Variants in CLSTN2 observed in about 807,000 individuals in gnomAD.
CLSTN2 encodes the protein calsyntenin-2.
In CLSTN2, 48 loss-of-function variants were observed where a neutral mutation model predicts 101.2. The observed-to-expected ratio is 0.47, with a 90% CI of 0.38 to 0.60. The LOEUF (loss-of-function observed/expected upper bound fraction) is 0.60, where lower values mean the gene tolerates loss of function less well. Ranked by LOEUF, CLSTN2 falls within the 20% of genes least tolerant of loss-of-function variation. The probability of loss-of-function intolerance (pLI) is 0.00; values close to 1 mark genes in which losing one functional copy is unlikely to be tolerated. For synonymous variants in CLSTN2, 481 were observed against 463.6 expected (o/e 1.04, Z -0.48); for missense variants, 1,160 against 1,238.2 (o/e 0.94, Z 0.95).
chr3:140,207,837 T>C (rs542522021), intron 2 of CLSTN2, among the ~76,000 whole-genome samples: 7 of 152,344 alleles, frequency 4.6e-5, no homozygotes, highest in African/African-American at 1.7e-4. Flanking sequence ...TGCTTCTCTT[T>C]GCTGTTTTGC....
intron 2 of CLSTN2, among the ~76,000 whole-genome samples, chr3:140,272,704 T>A (rs2086754410): frequency 6.6e-6 from 1 of 151,974 alleles, no homozygotes; most frequent in Admixed American, 6.6e-5. Flanking sequence ...GTGAGCCGAG[T>A]TTGTGCCACT....
intron 2 of CLSTN2, among the ~76,000 whole-genome samples, chr3:140,302,822 G>T (rs9855259): frequency 0.34 from 51,292 of 152,040 alleles, 10,435 homozygotes; most frequent in Non-Finnish European, 0.47. Context: ...GAGAAAGGTG[G>T]CTTGTAGGAA....
At position 140,140,988 on chromosome 3, in the gene CLSTN2, G is replaced by A. The variant is rs111490042; in HGVS notation, c.110-34963G>A. ...GTTATCTACCACAGCAATAGCAATA[G>A]GGACTGATCAAGGGCCCAAAGGCTC... On this transcript the variant is annotated intron_variant, in intron 1 of 16. Coordinates refer to ENST00000458420, the MANE Select transcript of CLSTN2 (RefSeq NM_022131.3). Among the ~76,000 whole-genome samples the A allele has an allele frequency of 2.5e-3, 379 of 152,338 alleles. 2 individuals are homozygous for A. The highest frequency in any genetic ancestry group is 0.01 in the Middle Eastern group (3 of 294).
At chr3:140,222,373 AG>A (rs1182125125) in intron 2 of CLSTN2, among the ~76,000 whole-genome samples, 55 of 152,314 alleles carry the variant, frequency 3.6e-4, no homozygotes, top group African/African-American at 1.3e-3. Flanking sequence ...TCGTACAAAA[AG>A]AAAAACTTAG....
rs1274165246 is a variant in CLSTN2, at chr3:140,459,675, C to T, written c.1128C>T (p.Thr376=). 10 of 1,614,004 alleles carry T rather than the reference C, an allele frequency of 6.2e-6. No individual in the cohort carries two copies. Among genetic ancestry groups the T allele is most frequent in the South Asian group, 1.1e-5 (1 of 91,078 alleles). ...VPDGIVPKNL[T]DQFTITMWMK... Reference sequence around the variant, plus strand: ...ATGGGATTGTGCCCAAGAACCTGACCGATCAGTTCACCATCACCATGTGGA... The same window carrying T: ...ATGGGATTGTGCCCAAGAACCTGACTGATCAGTTCACCATCACCATGTGGA... Residue 376 remains threonine (T), a synonymous_variant, in exon 7 of 17, where the codon ACC becomes ACT. Coordinates refer to ENST00000458420, the MANE Select transcript of CLSTN2 (RefSeq NM_022131.3).
At chr3:140,539,905 G>A (rs1174003173) in intron 9 of CLSTN2, among the ~76,000 whole-genome samples, 2 of 152,120 alleles carry the variant, frequency 1.3e-5, no homozygotes, top group South Asian at 4.2e-4. Context: ...AGAGGATTCC[G>A]GATTTACCCA....
At chr3:139,940,270 T>A (rs1056627082) in intron 1 of CLSTN2, among the ~76,000 whole-genome samples, 1 of 152,200 alleles carries the variant, frequency 6.6e-6, no homozygotes, top group Non-Finnish European at 1.5e-5. Context: ...TTCCTTCTCC[T>A]CTATAAAGTA....
chr3:140,049,423 G>A (rs7619815), intron 1 of CLSTN2, among the ~76,000 whole-genome samples: 2,415 of 152,236 alleles, frequency 0.016, 61 homozygotes, highest in African/African-American at 0.053. Context: ...TATTATTTCC[G>A]GAATGAGGGA....
At chr3:139,967,583 G>A (rs1935622395) in intron 1 of CLSTN2, among the ~76,000 whole-genome samples, 1 of 152,134 alleles carries the variant, frequency 6.6e-6, no homozygotes, top group South Asian at 2.1e-4. Context: ...ATACATCTCT[G>A]GAAGCCTCAC....
intron 12 of CLSTN2, among the ~76,000 whole-genome samples, chr3:140,561,070 A>G (rs1042033840): frequency 6.6e-6 from 1 of 151,892 alleles, no homozygotes; most frequent in Non-Finnish European, 1.5e-5. Context: ...ATTTAAAATA[A>G]TCCATCTTTA....
intron 1 of CLSTN2, among the ~76,000 whole-genome samples, chr3:140,162,296 C>G (rs1462124249): frequency 6.6e-6 from 1 of 152,188 alleles, no homozygotes. Context: ...ATAAAACACA[C>G]AGCATCTTTC....
At chr3:140,178,937 C>A (rs1436059195) in intron 2 of CLSTN2, among the ~76,000 whole-genome samples, 1 of 152,102 alleles carries the variant, frequency 6.6e-6, no homozygotes, top group Non-Finnish European at 1.5e-5. Context: ...TTGTGGAAAA[C>A]AATTTCATCC....
At position 140,570,312 on chromosome 3, in the gene CLSTN2, A is replaced by G. The variant is rs1464491549; in HGVS notation, c.*4059A>G. The G allele has an allele frequency of 6.6e-6, 1 of 152,232 alleles. No individual in the cohort carries two copies. The highest frequency in any genetic ancestry group is 1.5e-5 in the Non-Finnish European group (1 of 68,052). 9.4% of individuals were successfully genotyped at this position (152,232 alleles called of 1,614,324 possible). On this transcript the variant is annotated 3_prime_UTR_variant, in exon 17 of 17. Transcript: ENST00000458420. ...ATGTATAGTTGCAACTGACCTGAAC[A>G]TATTCTTTTTTTCATTATTATTCCT...
At chr3:140,360,169 G>C (rs541767738) in intron 2 of CLSTN2, among the ~76,000 whole-genome samples, 1 of 151,994 alleles carries the variant, frequency 6.6e-6, no homozygotes, top group South Asian at 2.1e-4. Context: ...CCCTGTAATC[G>C]TTCCTTTTTT....
At chr3:140,496,394 A>G (rs1934466024) in intron 8 of CLSTN2, among the ~76,000 whole-genome samples, 4 of 152,158 alleles carry the variant, frequency 2.6e-5, no homozygotes, top group Admixed American at 2.6e-4. Context: ...TAGATATAGG[A>G]TCATGTCATC....
intron 2 of CLSTN2, among the ~76,000 whole-genome samples, chr3:140,377,042 A>AGAGAGAGAGAGATG (rs143529942): frequency 6.7e-6 from 1 of 149,782 alleles, no homozygotes; most frequent in Non-Finnish European, 1.5e-5. Flanking sequence ...GAGAGAGAGG[A>AGAGAGAGAGAGATG]TGTGTGTGTG....
Position 140,566,477 on chromosome 3 carries a change from C to T in CLSTN2, c.*224C>T. 1.7e-6 allele frequency: 1 copy of T among 577,994 alleles called. No homozygotes were observed. The highest frequency in any genetic ancestry group is 2.2e-5 in the South Asian group (1 of 45,942). The allele number at this position is 577,994 out of a possible 1,614,324, so 35.8% of individuals were successfully genotyped here. A position where few individuals can be genotyped will look rare whatever the true frequency, so the allele number is the denominator to read the frequency against. ...CCATCAGTGAGGACTTCAGGGTAGACTTTGTCCTGTAGCCTCCACTTCTGC... is the reference window on the plus strand; with the variant it reads ...CCATCAGTGAGGACTTCAGGGTAGATTTTGTCCTGTAGCCTCCACTTCTGC... On this transcript the variant is annotated 3_prime_UTR_variant, in exon 17 of 17. Transcript: ENST00000458420.
intron 5 of CLSTN2, among the ~76,000 whole-genome samples, chr3:140,448,228 TGTGTGTGTGTGTGTGC>T (rs1933142102): frequency 1.2e-5 from 1 of 84,426 alleles, no homozygotes; most frequent in Non-Finnish European, 2.5e-5. Context: ...TGTGTGTGTG[TGTGTGTGTGTGTGTGC>T]TCATGTGAGT....
intron 1 of CLSTN2, among the ~76,000 whole-genome samples, chr3:140,103,475 T>G (rs551811030): frequency 6.6e-6 from 1 of 152,236 alleles, no homozygotes; most frequent in Non-Finnish European, 1.5e-5. Flanking sequence ...TCCATCATCA[T>G]AGGCTTTTTG....
Sources: gnomAD v4.1 joint callset for allele counts (sites outside exome capture counted in the v4.1 genomes callset) on GRCh38, gnomAD v4.1.1 for gene constraint, MANE v1.5 for transcripts, NCBI Gene and HGNC (gene_info 2026-07-23, HGNC 2026-07-21) for gene names.